Variants in EFR3A observed in about 807,000 individuals in gnomAD.
The protein encoded by EFR3A is EFR3 homolog A.
A neutral mutation model predicts 104.4 loss-of-function variants in EFR3A; 76 were observed. The observed-to-expected ratio is 0.73, with a 90% CI of 0.60 to 0.88. The LOEUF is 0.88. EFR3A is among the 40% of genes least tolerant of loss of function. The pLI, the probability that EFR3A is intolerant of heterozygous loss-of-function variation, is 0.00. For missense variants in EFR3A, 985 were observed against 1,012.5 expected (o/e 0.97, Z 0.37); for synonymous variants, 330 against 330.0 (o/e 1.00, Z 0.00).
chr8:131,924,445 A>G (rs1472605221), intron 1 of EFR3A, among the ~76,000 whole-genome samples: 3 of 152,096 alleles, frequency 2.0e-5, no homozygotes, highest in East Asian at 3.9e-4. Flanking sequence ...CTTAACATCC[A>G]TATATATGTA....
At chr8:131,951,514 T>G (rs1322369953) in intron 5 of EFR3A, among the ~76,000 whole-genome samples, 1 of 152,138 alleles carries the variant, frequency 6.6e-6, no homozygotes, top group Non-Finnish European at 1.5e-5. Context: ...ATACAAAGAT[T>G]AGCTAAAGAA....
chr8:131,988,529 T>C (rs1195277784), intron 18 of EFR3A, among the ~76,000 whole-genome samples: 3 of 152,104 alleles, frequency 2.0e-5, no homozygotes, highest in Non-Finnish European at 4.4e-5. Flanking sequence ...TGTTAATGAG[T>C]GCTTTTGCAT....
At chr8:131,945,159 A>G (rs1818372920) in intron 3 of EFR3A, among the ~76,000 whole-genome samples, 1 of 151,876 alleles carries the variant, frequency 6.6e-6, no homozygotes, top group Non-Finnish European at 1.5e-5. Flanking sequence ...GTAGAAATTG[A>G]CTCACTTAGT....
chr8:131,999,684 A>G (rs1182291853), intron 19 of EFR3A, among the ~76,000 whole-genome samples: 2 of 151,698 alleles, frequency 1.3e-5, no homozygotes, highest in Non-Finnish European at 2.9e-5. Context: ...AAATGCTAGT[A>G]TAAAGCAGTT....
At chr8:132,005,208 C>A (rs983714288) in intron 22 of EFR3A, among the ~76,000 whole-genome samples, 5 of 152,066 alleles carry the variant, frequency 3.3e-5, no homozygotes, top group African/African-American at 1.2e-4. Flanking sequence ...AGCAGTAGCT[C>A]TGGAATAGCT....
intron 18 of EFR3A, among the ~76,000 whole-genome samples, chr8:131,995,030 G>C (rs1327948410): frequency 6.6e-6 from 1 of 152,048 alleles, no homozygotes; most frequent in African/African-American, 2.4e-5. Context: ...AGGAAAAATT[G>C]GAACTATGTT....
intron 13 of EFR3A, 80 bp downstream of exon 13, chr8:131,979,099 A>T (rs1820470458): frequency 1.5e-6 from 2 of 1,360,268 alleles, no homozygotes; most frequent in Admixed American, 4.7e-5. Flanking sequence ...TGTGATTTTT[A>T]AAAATCTAGC....
chr8:131,999,167 A>T (rs997096374), intron 19 of EFR3A, among the ~76,000 whole-genome samples: 3 of 152,154 alleles, frequency 2.0e-5, no homozygotes, highest in Non-Finnish European at 4.4e-5. Context: ...AATTTTGAGT[A>T]TATGTTAAAT....
intron 10 of EFR3A, among the ~76,000 whole-genome samples, chr8:131,971,685 C>CA (rs34769645): frequency 1.3e-3 from 163 of 126,168 alleles, no homozygotes; most frequent in Middle Eastern, 0.012. Flanking sequence ...GACTCCGTCT[C>CA]AAAAAAAAAA....
Position 131,964,065 on chromosome 8 carries a change from C to T in EFR3A, c.856-4230C>T, listed in dbSNP as rs189516072. ...CTCAATAAATTAGGTATTGATGGGACGTATCTCAAGATAATAAGAGCTGTC... is the reference window on the plus strand; with the variant it reads ...CTCAATAAATTAGGTATTGATGGGATGTATCTCAAGATAATAAGAGCTGTC... On this transcript the variant is annotated intron_variant, in intron 8 of 22. Transcript: ENST00000254624. Among the ~76,000 whole-genome samples the T allele has an allele frequency of 3.0e-3, 458 of 152,236 alleles. 1 individual carries two copies. The highest frequency in any genetic ancestry group is 5.3e-3 in the Non-Finnish European group (362 of 68,034).
intron 11 of EFR3A, among the ~76,000 whole-genome samples, chr8:131,976,577 T>G (rs1423872312): frequency 6.6e-6 from 1 of 152,192 alleles, no homozygotes; most frequent in African/African-American, 2.4e-5. Flanking sequence ...AGTTTTTGTT[T>G]GTGAATGTTG....
At chr8:131,979,060 T>C (rs762060816) in intron 13 of EFR3A, 41 bp downstream of exon 13, 9 of 1,526,046 alleles carry the variant, frequency 5.9e-6, no homozygotes, top group Admixed American at 2.0e-5. Context: ...ATAATGTTTT[T>C]AAATTGCTAA....
intron 6 of EFR3A, among the ~76,000 whole-genome samples, chr8:131,955,034 G>C (rs1253259262): frequency 6.6e-6 from 1 of 151,954 alleles, no homozygotes; most frequent in South Asian, 2.1e-4. Context: ...TCCTGTTCTT[G>C]GCACTGTAGC....
intron 1 of EFR3A, 32 bp from the exon 2 acceptor site, chr8:131,940,467 T>C (rs985069167): frequency 1.3e-6 from 2 of 1,537,210 alleles, no homozygotes; most frequent in African/African-American, 2.9e-5. Context: ...ATTAATAATA[T>C]CTGTATTTCT....
At chr8:131,938,465 T>A (rs1253399389) in intron 1 of EFR3A, 3 of 381,554 alleles carry the variant, frequency 7.9e-6, no homozygotes, top group African/African-American at 6.2e-5. Flanking sequence ...TATAAAAACC[T>A]GAAATTGTAA....
At position 131,978,839 on chromosome 8, in the gene EFR3A, A is replaced by G; in HGVS notation, c.1327-8A>G. Reference sequence around the variant, plus strand: ...CAAAAGGTTGTTTGTTTTCTTCTCGATAATCAGGTGACCTCTGGATATAAA... The same window carrying G: ...CAAAAGGTTGTTTGTTTTCTTCTCGGTAATCAGGTGACCTCTGGATATAAA... On this transcript the variant is annotated splice_polypyrimidine_tract_variant and splice_region_variant and intron_variant, in intron 12 of 22. Coordinates refer to ENST00000254624, the MANE Select transcript of EFR3A (RefSeq NM_015137.6). 1 of 1,533,716 alleles carries G rather than the reference A, an allele frequency of 6.5e-7. No individual in the cohort carries two copies. The highest frequency in any genetic ancestry group is 1.3e-5 in the South Asian group (1 of 74,642).
intron 21 of EFR3A, among the ~76,000 whole-genome samples, chr8:132,003,002 A>C (rs1374638795): frequency 6.6e-6 from 1 of 152,066 alleles, no homozygotes; most frequent in Non-Finnish European, 1.5e-5. Context: ...ATTTTGTTTT[A>C]TGTGTTTGTT....
intron 8 of EFR3A, among the ~76,000 whole-genome samples, chr8:131,963,727 C>T (rs977332416): frequency 6.6e-6 from 1 of 152,114 alleles, no homozygotes; most frequent in East Asian, 1.9e-4. Context: ...TTTATGAGGC[C>T]AGCATCATCC....
At chr8:131,994,717 T>C (rs1167654273) in intron 18 of EFR3A, among the ~76,000 whole-genome samples, 7 of 152,158 alleles carry the variant, frequency 4.6e-5, no homozygotes, top group African/African-American at 1.7e-4. Context: ...AATGTGGAGA[T>C]AAAGATGGCT....
Sources: allele counts gnomAD v4.1 joint callset (sites outside exome capture counted in the v4.1 genomes callset), GRCh38; gene constraint gnomAD v4.1.1; transcripts MANE v1.5; gene names NCBI Gene and HGNC (gene_info 2026-07-23, HGNC 2026-07-21).